The following INSL6 variants were observed in gnomAD, a reference collection of about 807,000 sequenced individuals.
INSL6 encodes the protein insulin like 6, also known as insulin-like peptide INSL6.
Under a neutral mutation model 9.4 loss-of-function variants are expected in INSL6, and 16 were observed. That is an observed-to-expected ratio of 1.70 (90% CI 1.15 to 2.59). The LOEUF is 2.59. Ranked by LOEUF, INSL6 falls within the 30% of genes most tolerant of loss-of-function variation. The pLI is 0.00. For synonymous variants in INSL6, 154 were observed against 96.9 expected, an observed-to-expected ratio of 1.59 and a Z score of -3.46; for missense variants, 391 against 257.3, an observed-to-expected ratio of 1.52 and a Z score of -3.56.
chr9:5,027,859 T>G, the INSL6 span, among the ~76,000 whole-genome samples: 1 of 152,338 alleles, frequency 6.6e-6, no homozygotes, highest in African/African-American at 2.4e-5. Context: ...CAGTCACGTC[T>G]TCAAGCTCCA....
chr9:5,178,462 G>C (rs1480399041), intron 1 of INSL6, among the ~76,000 whole-genome samples: 1 of 152,126 alleles, frequency 6.6e-6, no homozygotes, highest in Non-Finnish European at 1.5e-5. Context: ...CTCTTCACTG[G>C]GCAGGACCTC....
At chr9:5,114,221 C>G in the INSL6 span, 2 of 516,172 alleles carry the variant, frequency 3.9e-6, no homozygotes, top group African/African-American at 3.8e-5. Context: ...GCCCCTTCTA[C>G]CTGTTCATCC....
chr9:5,055,640 T>G, the INSL6 span: 9 of 1,504,372 alleles, frequency 6.0e-6, no homozygotes, highest in Non-Finnish European at 8.2e-6. Context: ...ATTCTACCCG[T>G]TTTTAATTTT....
At chr9:5,139,953 T>C (rs1162145435) in intron 2 of INSL6, among the ~76,000 whole-genome samples, 2 of 152,164 alleles carry the variant, frequency 1.3e-5, no homozygotes, top group African/African-American at 4.8e-5. Flanking sequence ...TTTCAAGGGA[T>C]TGTTAGTTGA....
downstream of INSL6, among the ~76,000 whole-genome samples, chr9:5,162,649 G>C (rs978869350): frequency 3.3e-5 from 5 of 152,130 alleles, no homozygotes. Context: ...GTATCTACAT[G>C]GGTAGCTCCC....
chr9:5,041,586 C>T, the INSL6 span: 3 of 502,294 alleles, frequency 6.0e-6, no homozygotes, highest in African/African-American at 6.1e-5. Context: ...CGTGCGGCGC[C>T]TGGACTTTGA....
At chr9:5,054,538 TCTGTATGTGCTTTTTTATCC>T in the INSL6 span, 1 of 1,526,416 alleles carries the variant, frequency 6.6e-7, no homozygotes. The surrounding 1 kb of genome is among the most constrained non-coding windows in gnomAD (Gnocchi z 4.9). Context: ...GTTTTGTTTT[TCTGTATGTGCTTTTTTATCC>T]CTAGCTACAA....
At chr9:5,078,468 T>A in the INSL6 span, 1 of 1,587,044 alleles carries the variant, frequency 6.3e-7, no homozygotes, top group South Asian at 1.1e-5. Flanking sequence ...GGATTATATA[T>A]AATGTTACTA....
At chr9:5,170,422 C>T (rs111500870) in intron 1 of INSL6, among the ~76,000 whole-genome samples, 7 of 151,938 alleles carry the variant, frequency 4.6e-5, no homozygotes, top group Non-Finnish European at 8.8e-5. Context: ...AACACCCTAA[C>T]GTCACAACCA....
At chr9:5,017,980 G>A in the INSL6 span, among the ~76,000 whole-genome samples, 1 of 152,118 alleles carries the variant, frequency 6.6e-6, no homozygotes. Context: ...TTCAGTCTAT[G>A]TGTATCTTTA....
the INSL6 span, among the ~76,000 whole-genome samples, chr9:5,067,290 G>A: frequency 1.9e-3 from 282 of 152,156 alleles, 2 homozygotes; most frequent in Non-Finnish European, 3.4e-3. Flanking sequence ...GGTCTACAAT[G>A]CATGTTTCAA....
chr9:5,119,533 A>G (rs539116361), downstream of INSL6, among the ~76,000 whole-genome samples: 7 of 152,302 alleles, frequency 4.6e-5, no homozygotes, highest in African/African-American at 1.2e-4. Context: ...GATGATATAT[A>G]TATCTGGCAT....
At chr9:5,106,042 C>G in the INSL6 span, among the ~76,000 whole-genome samples, 5 of 152,244 alleles carry the variant, frequency 3.3e-5, no homozygotes, top group East Asian at 7.7e-4. Flanking sequence ...ACAAAGGCAA[C>G]CAAAGCCAAA....
At chr9:5,001,054 T>C in the INSL6 span, among the ~76,000 whole-genome samples, 2 of 152,236 alleles carry the variant, frequency 1.3e-5, no homozygotes, top group Non-Finnish European at 2.9e-5. Flanking sequence ...TTTTGTGATG[T>C]ATCCTGTGAT....
At chr9:5,085,387 G>A in the INSL6 span, 1 of 888,446 alleles carries the variant, frequency 1.1e-6, no homozygotes, top group Admixed American at 1.7e-5. Flanking sequence ...CACTGGGTCG[G>A]GGCATCCTAG....
the INSL6 span, among the ~76,000 whole-genome samples, chr9:5,075,966 A>C: frequency 3.3e-5 from 5 of 152,140 alleles, no homozygotes; most frequent in African/African-American, 1.2e-4. Flanking sequence ...AGTTCATTCT[A>C]ACCCTCCTGG....
chr9:5,132,649 T>A (rs938462895), intron 3 of INSL6, among the ~76,000 whole-genome samples: 3 of 152,162 alleles, frequency 2.0e-5, no homozygotes, highest in Non-Finnish European at 2.9e-5. Flanking sequence ...ACGTACAACT[T>A]CAAGTTGCAT....
At chr9:5,088,133 C>T in the INSL6 span, among the ~76,000 whole-genome samples, 2 of 152,070 alleles carry the variant, frequency 1.3e-5, no homozygotes, top group Non-Finnish European at 1.5e-5. Context: ...GGATGAAAAA[C>T]CTCATTTTAG....
chr9:5,113,053 G>A, the INSL6 span, among the ~76,000 whole-genome samples: 3 of 152,220 alleles, frequency 2.0e-5, no homozygotes, highest in East Asian at 5.8e-4. Flanking sequence ...GCTGGGTCCA[G>A]GAGCTCCCTG....
Sources: allele counts gnomAD v4.1 joint callset (sites outside exome capture counted in the v4.1 genomes callset), GRCh38; gene constraint gnomAD v4.1.1; non-coding constraint Gnocchi (gnomAD v3.1); transcripts MANE v1.5; gene names NCBI Gene and HGNC (gene_info 2026-07-23, HGNC 2026-07-21).